Variants in MYO5B observed in about 807,000 individuals in gnomAD.
The protein encoded by MYO5B is myosin VB.
A neutral mutation model predicts 229.3 loss-of-function variants in MYO5B; 143 were observed. The observed-to-expected ratio is 0.62, with a 90% CI of 0.54 to 0.72. MYO5B has a LOEUF of 0.72. MYO5B is among the 30% of genes least tolerant of loss of function. MYO5B has a pLI of 0.00. For missense variants in MYO5B, 2,321 were observed against 2,331.0 expected (o/e 1.00, Z 0.09); for synonymous variants, 918 against 885.2 (o/e 1.04, Z -0.66).
chr18:50,135,950 C>T (rs911845647), intron 1 of MYO5B, among the ~76,000 whole-genome samples: 1 of 152,192 alleles, frequency 6.6e-6, no homozygotes, highest in East Asian at 1.9e-4. Flanking sequence ...TACAAAAACT[C>T]GTGAGACAGA....
At chr18:49,906,858 C>T (rs1194379653) in intron 18 of MYO5B, among the ~76,000 whole-genome samples, 1 of 151,910 alleles carries the variant, frequency 6.6e-6, no homozygotes, top group African/African-American at 2.4e-5. Flanking sequence ...AAGGAACTGA[C>T]ATCATGGTGA....
At chr18:50,056,311 T>A (rs1453282565) in intron 1 of MYO5B, among the ~76,000 whole-genome samples, 2 of 152,150 alleles carry the variant, frequency 1.3e-5, no homozygotes, top group Non-Finnish European at 2.9e-5. Context: ...CTGGAAAATA[T>A]CAATTCTTGG....
intron 25 of MYO5B, among the ~76,000 whole-genome samples, chr18:49,876,820 C>A (rs2024529010): frequency 6.6e-6 from 1 of 152,226 alleles, no homozygotes; most frequent in African/African-American, 2.4e-5. Flanking sequence ...AGAGAGGAGA[C>A]CTTCAGTTCT....
intron 3 of MYO5B, among the ~76,000 whole-genome samples, chr18:50,037,804 A>T (rs1280435661): frequency 3.9e-5 from 6 of 152,168 alleles, no homozygotes; most frequent in African/African-American, 1.4e-4. Context: ...GTCTGAGAGG[A>T]ATGCTTGAGC....
rs4042094 is a variant in MYO5B, at chr18:50,188,785, TAAAAAAAAAAAAAAAAA to T, written c.27+5965_27+5981del. On this transcript the variant is annotated intron_variant, in intron 1 of 39. Transcript: ENST00000285039. ...CTGGTGACACAGTGAGACTCTGTCA[TAAAAAAAAAAAAAAAAA>T]AAAAAAAAAAAAAAACACACACACC... is the stretch of plus-strand genomic sequence containing the variant. Among the ~76,000 whole-genome samples the T allele has an allele frequency of 1.0e-4, 11 of 105,144 alleles. 1 individual carries two copies. The highest frequency in any genetic ancestry group is 4.1e-4 in the South Asian group (1 of 2,440). 69.0% of individuals were successfully genotyped at this position (105,144 alleles called of 152,430 possible).
chr18:50,058,224 T>TGG (rs2030599343), intron 1 of MYO5B, among the ~76,000 whole-genome samples: 1 of 152,194 alleles, frequency 6.6e-6, no homozygotes, highest in African/African-American at 2.4e-5. Context: ...TCCAGCACTT[T>TGG]GGGAGCCGAG....
At position 49,953,791 on chromosome 18, in the gene MYO5B, G is replaced by A. The variant is rs1392239375; in HGVS notation, c.1669-448C>T. 2.6e-5 allele frequency among the ~76,000 whole-genome samples: 4 copies of A among 152,108 alleles called. No individual in the cohort carries two copies. The East Asian group carries it at 7.7e-4, about 29-fold the overall frequency. ...CTGAAGAGCAGCTACACAGGCTCCA[G>A]GTAAGAAGCCAAACCATTTGGTACT... On this transcript the variant is annotated intron_variant, in intron 13 of 39. Transcript: ENST00000285039.
intron 1 of MYO5B, among the ~76,000 whole-genome samples, chr18:50,069,359 A>T (rs546724078): frequency 2.6e-5 from 4 of 152,236 alleles, no homozygotes; most frequent in African/African-American, 9.6e-5. Context: ...TCATGTCAGG[A>T]CAGAGTTCCA....
At chr18:49,895,596 C>T (rs2024769662) in intron 21 of MYO5B, among the ~76,000 whole-genome samples, 2 of 152,182 alleles carry the variant, frequency 1.3e-5, no homozygotes, top group South Asian at 4.1e-4. Context: ...GACTTGCCAG[C>T]ACAAAGAGTT....
intron 22 of MYO5B, among the ~76,000 whole-genome samples, chr18:49,889,347 T>C (rs1432289711): frequency 6.6e-6 from 1 of 152,196 alleles, no homozygotes; most frequent in Non-Finnish European, 1.5e-5. Context: ...GATTTCACTT[T>C]TCTAGACATA....
intron 14 of MYO5B, among the ~76,000 whole-genome samples, chr18:49,950,062 A>C (rs991597033): frequency 2.6e-5 from 4 of 152,236 alleles, no homozygotes; most frequent in African/African-American, 4.8e-5. Context: ...ATACAGCAAC[A>C]ATCTTTGCTT....
intron 1 of MYO5B, among the ~76,000 whole-genome samples, chr18:50,074,530 C>T (rs924565963): frequency 6.6e-6 from 1 of 152,200 alleles, no homozygotes; most frequent in Non-Finnish European, 1.5e-5. Context: ...CCATCCAGCA[C>T]ACTGCAATTC....
chr18:49,961,962 C>A (rs1185305560), intron 12 of MYO5B, among the ~76,000 whole-genome samples: 1 of 152,234 alleles, frequency 6.6e-6, no homozygotes, highest in African/African-American at 2.4e-5. Flanking sequence ...CAGTTCTTCT[C>A]TTGGCACCTA....
At chr18:49,893,131 A>C (rs1011324773) in intron 22 of MYO5B, among the ~76,000 whole-genome samples, 1 of 152,138 alleles carries the variant, frequency 6.6e-6, no homozygotes, top group African/African-American at 2.4e-5. Context: ...GAAGTCCCCA[A>C]GTTGTAGCAT....
intron 8 of MYO5B, among the ~76,000 whole-genome samples, chr18:49,980,783 C>T (rs2025806135): frequency 6.6e-6 from 1 of 151,900 alleles, no homozygotes; most frequent in Non-Finnish European, 1.5e-5. Flanking sequence ...CTATGATCGT[C>T]CTGACCAAAT....
chr18:50,077,547 G>A (rs2031118317), intron 1 of MYO5B, among the ~76,000 whole-genome samples: 1 of 121,916 alleles, frequency 8.2e-6, no homozygotes, highest in Non-Finnish European at 1.9e-5. Flanking sequence ...ACACAGTAAA[G>A]GACTTCAATG....
chr18:49,911,934 T>C lies in MYO5B; in HGVS notation c.2202+128A>G. ...CTAGTCACTGATGTAGGAAAATGGATTAATATCCCAGAAATAGATTCAGTA... is the reference window on the plus strand; with the variant it reads ...CTAGTCACTGATGTAGGAAAATGGACTAATATCCCAGAAATAGATTCAGTA... On this transcript the variant is annotated intron_variant, in intron 18 of 39. Transcript: ENST00000285039. 3.3e-5 allele frequency: 26 copies of C among 797,588 alleles called. 1 individual carries two copies. In the South Asian group the frequency reaches 3.7e-4, roughly 11 times the overall value. 49.4% of individuals were successfully genotyped at this position (797,588 alleles called of 1,614,324 possible).
intron 1 of MYO5B, among the ~76,000 whole-genome samples, chr18:50,088,504 T>C (rs1422111610): frequency 1.3e-5 from 2 of 152,240 alleles, no homozygotes; most frequent in Non-Finnish European, 2.9e-5. Flanking sequence ...ATTGTGTTCC[T>C]CTTCATTTAA....
chr18:49,932,905 C>T (rs1252797950), intron 16 of MYO5B, among the ~76,000 whole-genome samples: 1 of 152,146 alleles, frequency 6.6e-6, no homozygotes, highest in Non-Finnish European at 1.5e-5. Context: ...GGAAAACCAG[C>T]CCTCCTTCTA....
Sources: gnomAD v4.1 joint callset for allele counts (sites outside exome capture counted in the v4.1 genomes callset) on GRCh38, gnomAD v4.1.1 for gene constraint, MANE v1.5 for transcripts, NCBI Gene and HGNC (gene_info 2026-07-23, HGNC 2026-07-21) for gene names.